Variants in DCTN4 observed in about 807,000 individuals in gnomAD.
DCTN4 encodes dynactin subunit 4.
DCTN4 carries 23 observed loss-of-function variants against 62.7 expected under a neutral mutation model. The ratio of observed to expected loss-of-function variants is 0.37; its 90% CI spans 0.26 to 0.52. The LOEUF (loss-of-function observed/expected upper bound fraction) is 0.52. DCTN4 is among the 20% of genes least tolerant of loss of function. The pLI is 0.92. For synonymous variants in DCTN4, 199 were observed against 202.1 expected (o/e 0.98, Z 0.13); for missense variants, 514 against 580.4 (o/e 0.89, Z 1.18).
intron 1 of DCTN4, chr5:150,758,531 T>C: frequency 9.8e-7 from 1 of 1,022,982 alleles, no homozygotes; most frequent in African/African-American, 1.7e-5. Context: ...TTTTCGCCCC[T>C]TAAGTGGCCT....
rs1192835843 is a variant in DCTN4, at chr5:150,731,447, C to A, written c.580G>T (p.Gly194Cys). ...LGTRLQRPRA[G>C]ASISTLAGLS... Reference sequence around the variant, plus strand: ...CCGGCAAGGGTACTGATGGATGCACCAGCTCGTGGTCGCTGAAGCCTGGTT... The same window carrying A: ...CCGGCAAGGGTACTGATGGATGCACAAGCTCGTGGTCGCTGAAGCCTGGTT... Residue 194 changes from glycine to cysteine, a missense_variant, in exon 6 of 13, where the codon GGT becomes TGT. By Grantham distance (159) the Gly-to-Cys change is radical. Coordinates refer to ENST00000447998, the MANE Select transcript of DCTN4 (RefSeq NM_016221.4). The A allele has an allele frequency of 1.9e-6, 3 of 1,613,868 alleles. No individual in the cohort carries two copies. The highest frequency in any genetic ancestry group is 2.2e-5 in the East Asian group (1 of 44,880).
intron 4 of DCTN4, among the ~76,000 whole-genome samples, chr5:150,738,052 C>G (rs893919827): frequency 1.3e-5 from 2 of 151,896 alleles, no homozygotes; most frequent in African/African-American, 4.8e-5. Context: ...TACAACCCTC[C>G]TAGATTAAAC....
rs1284448028 is a variant in DCTN4, at chr5:150,715,572, C to T, written c.1162G>A (p.Asp388Asn). The T allele has an allele frequency of 8.1e-6, 13 of 1,613,350 alleles. No individual in the cohort carries two copies. Among genetic ancestry groups the T allele is most frequent in the African/African-American group, 5.3e-5 (4 of 74,906 alleles). Residue 388 changes from aspartate (D) to asparagine (N), a missense_variant, in exon 12 of 13, where the codon GAT (aspartate) becomes AAT (asparagine). Asp to Asn is a conservative substitution (Grantham distance 23). Coordinates refer to ENST00000447998, the MANE Select transcript of DCTN4 (RefSeq NM_016221.4). ...ELAEPQDFQD[D>N]PDIIAFRKAN... is the part of the protein sequence containing the mutation. ...CACAAAAAGATCACTCACTCAGGATCGTCCTGAAAGTCTTGAGGTTCTGCC... is the reference window on the plus strand; with the variant it reads ...CACAAAAAGATCACTCACTCAGGATTGTCCTGAAAGTCTTGAGGTTCTGCC...
chr5:150,756,101 G>A (rs1752852414), intron 2 of DCTN4, among the ~76,000 whole-genome samples: 1 of 150,264 alleles, frequency 6.7e-6, no homozygotes, highest in African/African-American at 2.5e-5. Context: ...GAGTGCAGTG[G>A]CACAATCTTG....
At chr5:150,719,628 G>T in intron 10 of DCTN4, 88 bp downstream of exon 10, 3 of 947,430 alleles carry the variant, frequency 3.2e-6, no homozygotes, top group East Asian at 2.5e-5. Context: ...TGGATCCTGT[G>T]CCAAATACAC....
intron 6 of DCTN4, 97 bp from the exon 7 acceptor site, chr5:150,731,253 A>G: frequency 1.0e-6 from 1 of 991,646 alleles, no homozygotes; most frequent in Non-Finnish European, 1.6e-6. Flanking sequence ...TAATTGAAGT[A>G]TTCCTCTGTC....
chr5:150,742,232 G>A (rs1760795408), intron 3 of DCTN4, 75 bp from the exon 4 acceptor site: 1 of 1,459,132 alleles, frequency 6.9e-7, no homozygotes. Context: ...GTCTTCTGTA[G>A]GCCATAAAAA....
At chr5:150,730,084 C>A (rs149204999) in intron 8 of DCTN4, among the ~76,000 whole-genome samples, 151 of 152,314 alleles carry the variant, frequency 9.9e-4, no homozygotes, top group African/African-American at 3.5e-3. Flanking sequence ...TTCATGTGCT[C>A]AAGAGCCACA....
At chr5:150,725,445 G>A (rs1300238347) in intron 8 of DCTN4, among the ~76,000 whole-genome samples, 2 of 151,542 alleles carry the variant, frequency 1.3e-5, no homozygotes, top group Non-Finnish European at 2.9e-5. Context: ...ATCAACTTCT[G>A]ATTCTGTTGC....
intron 3 of DCTN4, among the ~76,000 whole-genome samples, chr5:150,743,688 C>T (rs922205810): frequency 5.3e-5 from 8 of 152,296 alleles, no homozygotes; most frequent in African/African-American, 2.4e-5. Context: ...CCCAGGCAAA[C>T]GGGGACTGAA....
At chr5:150,735,263 A>G (rs1760534349) in intron 4 of DCTN4, among the ~76,000 whole-genome samples, 1 of 152,240 alleles carries the variant, frequency 6.6e-6, no homozygotes, top group Admixed American at 6.5e-5. Flanking sequence ...CCTCAAAAGG[A>G]GAAAACAACA....
intron 4 of DCTN4, among the ~76,000 whole-genome samples, chr5:150,740,414 T>C (rs1217050020): frequency 6.6e-6 from 1 of 151,114 alleles, no homozygotes; most frequent in Non-Finnish European, 1.5e-5. Flanking sequence ...GATGCTGGCA[T>C]GGATCTGGTG....
intron 3 of DCTN4, among the ~76,000 whole-genome samples, chr5:150,748,704 G>A (rs868697206): frequency 1.8e-3 from 263 of 146,694 alleles, no homozygotes; most frequent in African/African-American, 6.2e-3. Context: ...ACCAAACACC[G>A]CATGTTCTCA....
chr5:150,726,320 C>A (rs753152518), intron 8 of DCTN4, among the ~76,000 whole-genome samples: 1 of 152,180 alleles, frequency 6.6e-6, no homozygotes, highest in Non-Finnish European at 1.5e-5. Context: ...CACAACTGAG[C>A]GGAGCCACCT....
At chr5:150,736,857 C>T (rs966392525) in intron 4 of DCTN4, among the ~76,000 whole-genome samples, 26 of 152,122 alleles carry the variant, frequency 1.7e-4, no homozygotes, top group African/African-American at 5.1e-4. Flanking sequence ...AAGTATCTGC[C>T]GTCTTCAAGA....
intron 11 of DCTN4, among the ~76,000 whole-genome samples, chr5:150,717,011 GA>G (rs1246681728): frequency 7.6e-4 from 103 of 134,670 alleles, no homozygotes; most frequent in East Asian, 2.6e-3. Flanking sequence ...AAAAGCAGAA[GA>G]AAAAAAAAAA....
Position 150,709,484 on chromosome 5 carries a change from A to G in DCTN4, c.*1665T>C, listed in dbSNP as rs1759486133. The G allele has an allele frequency of 6.6e-6, 1 of 152,360 alleles. No homozygotes were observed. Among genetic ancestry groups the G allele is most frequent in the South Asian group, 2.1e-4 (1 of 4,838 alleles). 9.4% of individuals were successfully genotyped at this position (152,360 alleles called of 1,614,324 possible). A position where few individuals can be genotyped will look rare whatever the true frequency, so the allele number is the denominator to read the frequency against. On this transcript the variant is annotated 3_prime_UTR_variant, in exon 13 of 13. Transcript: ENST00000447998. ...AAATTTGAGACTCTGTGGGGTCACAAAAAAATGAAACTCTTTCTATAGTCT... is the reference window on the plus strand; with the variant it reads ...AAATTTGAGACTCTGTGGGGTCACAGAAAAATGAAACTCTTTCTATAGTCT...
At chr5:150,744,120 G>A (rs866289701) in intron 3 of DCTN4, among the ~76,000 whole-genome samples, 18 of 152,332 alleles carry the variant, frequency 1.2e-4, no homozygotes, top group East Asian at 1.9e-4. Context: ...TGAAAGCCAA[G>A]GCTCGAGAAC....
intron 4 of DCTN4, among the ~76,000 whole-genome samples, chr5:150,739,187 A>C (rs1008601280): frequency 2.0e-5 from 3 of 152,136 alleles, no homozygotes; most frequent in African/African-American, 4.8e-5. Flanking sequence ...TCTCAAAAAA[A>C]AAAAAAAAAG....
Sources: allele counts gnomAD v4.1 joint callset (sites outside exome capture counted in the v4.1 genomes callset), GRCh38; gene constraint gnomAD v4.1.1; transcripts MANE v1.5; gene names NCBI Gene and HGNC (gene_info 2026-07-23, HGNC 2026-07-21).